The following PPP2R3A variants were observed in gnomAD, a reference collection of about 807,000 sequenced individuals.
The protein encoded by PPP2R3A is serine/threonine-protein phosphatase 2A regulatory subunit B'' subunit alpha.
In PPP2R3A, 80 loss-of-function variants were observed where a neutral mutation model predicts 106.9. The ratio of observed to expected loss-of-function variants is 0.75; its 90% CI spans 0.62 to 0.90. PPP2R3A has a LOEUF of 0.90. PPP2R3A is among the 40% of genes least tolerant of loss of function. PPP2R3A has a pLI of 0.00. For synonymous variants in PPP2R3A, 483 were observed against 468.3 expected, an observed-to-expected ratio of 1.03 and a Z score of -0.41; for missense variants, 1,386 against 1,350.4, an observed-to-expected ratio of 1.03 and a Z score of -0.41.
chr3:136,041,627 G>A (rs1356233061), intron 4 of PPP2R3A, among the ~76,000 whole-genome samples: 1 of 151,788 alleles, frequency 6.6e-6, no homozygotes, highest in Non-Finnish European at 1.5e-5. Flanking sequence ...CCCTTTATGG[G>A]GGGCAAATCA....
At chr3:136,064,280 G>A (rs1233954077) in intron 5 of PPP2R3A, among the ~76,000 whole-genome samples, 1 of 114,098 alleles carries the variant, frequency 8.8e-6, no homozygotes, top group Non-Finnish European at 1.7e-5. Context: ...GGTGGGGGGA[G>A]GGGGGAGGGA....
intron 4 of PPP2R3A, among the ~76,000 whole-genome samples, chr3:136,046,348 G>A (rs9875328): frequency 0.25 from 38,696 of 151,888 alleles, 5,408 homozygotes; most frequent in Non-Finnish European, 0.32. Context: ...CAGCTACTCC[G>A]GAGGCTGAAG....
intron 4 of PPP2R3A, among the ~76,000 whole-genome samples, chr3:136,047,729 G>A (rs543859676): frequency 2.0e-5 from 3 of 152,046 alleles, no homozygotes; most frequent in East Asian, 3.9e-4. Context: ...GTGAAACCCC[G>A]TCTCTACTAA....
Position 136,145,367 on chromosome 3 carries a change from T to TA in PPP2R3A, c.*202dup, listed in dbSNP as rs1475152491. On this transcript the variant is annotated 3_prime_UTR_variant, in exon 14 of 14. Coordinates refer to ENST00000264977, the MANE Select transcript of PPP2R3A (RefSeq NM_002718.5). ...CTCCTCCAATTTGCCTCAAACCTCT[T>TA]ACGGAGCTTCTCCTCAGAAGTGGTA... is the stretch of plus-strand genomic sequence containing the variant. 2.0e-6 allele frequency: 1 copy of TA among 489,384 alleles called. No homozygotes were observed. The highest frequency in any genetic ancestry group is 3.4e-6 in the Non-Finnish European group (1 of 297,840). 30.3% of individuals were successfully genotyped at this position (489,384 alleles called of 1,614,324 possible).
chr3:136,127,269 A>G (rs2108010352), intron 13 of PPP2R3A, among the ~76,000 whole-genome samples: 1 of 152,306 alleles, frequency 6.6e-6, no homozygotes, highest in African/African-American at 2.4e-5. Flanking sequence ...AAAACCATGG[A>G]AAAAGATCAG....
At chr3:136,115,171 G>A (rs1937695922) in intron 13 of PPP2R3A, among the ~76,000 whole-genome samples, 1 of 152,150 alleles carries the variant, frequency 6.6e-6, no homozygotes, top group Non-Finnish European at 1.5e-5. Context: ...TGCAGCAGAG[G>A]GGCCTGACTG....
intron 2 of PPP2R3A, among the ~76,000 whole-genome samples, chr3:136,008,634 TATG>T (rs1933931833): frequency 6.6e-6 from 1 of 152,210 alleles, no homozygotes; most frequent in South Asian, 2.1e-4. Flanking sequence ...GATGTACCAT[TATG>T]ATCCCTTTTT....
intron 10 of PPP2R3A, among the ~76,000 whole-genome samples, chr3:136,096,133 G>C (rs1459382040): frequency 6.6e-6 from 1 of 152,034 alleles, no homozygotes; most frequent in Non-Finnish European, 1.5e-5. Context: ...TGATTGTATT[G>C]GTACTTAAAG....
At chr3:135,966,149 C>T (rs916597287) in intron 1 of PPP2R3A, among the ~76,000 whole-genome samples, 2 of 152,182 alleles carry the variant, frequency 1.3e-5, no homozygotes, top group South Asian at 2.1e-4. Flanking sequence ...GGAGGGTAGG[C>T]GGGGGCGGCC....
intron 1 of PPP2R3A, among the ~76,000 whole-genome samples, chr3:135,993,280 A>G (rs1479080017): frequency 1.3e-5 from 2 of 152,210 alleles, no homozygotes; most frequent in East Asian, 1.9e-4. Flanking sequence ...AAGAAGATAT[A>G]TATGAATTTT....
Position 136,001,398 on chromosome 3 carries a change from AT to A in PPP2R3A, c.-99del. On this transcript the variant is annotated 5_prime_UTR_variant, in exon 2 of 14. It adds an upstream start codon to the 5' untranslated region. Coordinates refer to ENST00000264977, the MANE Select transcript of PPP2R3A (RefSeq NM_002718.5). ...TTATATTTGGAAGAAACCACTGAAC[AT>A]TGTTATTAAATATATTTTCAGCTAA... 9.8e-7 allele frequency: 1 copy of A among 1,015,252 alleles called. No individual in the cohort carries two copies. Among genetic ancestry groups the A allele is most frequent in the Non-Finnish European group, 1.5e-6 (1 of 682,072 alleles). The allele number at this position is 1,015,252 out of a possible 1,614,324, so 62.9% of individuals were successfully genotyped here. A position where few individuals can be genotyped will look rare whatever the true frequency, so the allele number is the denominator to read the frequency against.
intron 4 of PPP2R3A, among the ~76,000 whole-genome samples, chr3:136,046,383 G>C (rs539891772): frequency 1.3e-5 from 2 of 152,004 alleles, no homozygotes; most frequent in Non-Finnish European, 1.5e-5. Context: ...GAACCTGGGA[G>C]GCAGAGGTTG....
intron 1 of PPP2R3A, among the ~76,000 whole-genome samples, chr3:135,991,861 G>A (rs976866662): frequency 6.6e-6 from 1 of 152,000 alleles, no homozygotes; most frequent in African/African-American, 2.4e-5. Flanking sequence ...GTTTTTAAGC[G>A]CTTCCTAATT....
intron 2 of PPP2R3A, among the ~76,000 whole-genome samples, 180 bp from the exon 3 acceptor site, chr3:136,026,652 A>T (rs1576443865): frequency 6.6e-6 from 1 of 152,132 alleles, no homozygotes; most frequent in South Asian, 2.1e-4. Context: ...GATAATTAAT[A>T]AATTAATTAA....
intron 1 of PPP2R3A, among the ~76,000 whole-genome samples, chr3:135,977,758 G>A (rs1937458395): frequency 7.5e-6 from 1 of 132,914 alleles, no homozygotes; most frequent in African/African-American, 2.8e-5. Context: ...GGAGTACAGT[G>A]GTGCAATCTC....
intron 13 of PPP2R3A, among the ~76,000 whole-genome samples, chr3:136,128,585 C>T (rs1229925361): frequency 6.6e-6 from 1 of 152,174 alleles, no homozygotes; most frequent in African/African-American, 2.4e-5. Context: ...CTTTAACACC[C>T]CACTGTCAAT....
At chr3:136,062,688 A>T (rs572044036) in intron 5 of PPP2R3A, among the ~76,000 whole-genome samples, 13 of 149,854 alleles carry the variant, frequency 8.7e-5, no homozygotes, top group Admixed American at 2.0e-4. Context: ...ACTGCACTCC[A>T]GCCTGGGTGA....
Position 136,002,479 on chromosome 3 carries a change from C to T in PPP2R3A, c.981C>T (p.Gly327=). The T allele has an allele frequency of 6.2e-7, 1 of 1,614,106 alleles. No individual in the cohort carries two copies. The highest frequency in any genetic ancestry group is 8.5e-7 in the Non-Finnish European group (1 of 1,179,972). The part of the protein sequence containing the change: ...LQLTPFSPVF[G]TEQPPKYEDV... ...TGACTCCCTTCTCCCCAGTGTTTGG[C>T]ACTGAACAACCCCCTAAATATGAAG... The change falls in exon 2 of 14, where the codon GGC becomes GGT. Residue 327 remains glycine (G), a synonymous_variant. Coordinates refer to ENST00000264977, the MANE Select transcript of PPP2R3A (RefSeq NM_002718.5).
Position 136,102,008 on chromosome 3 carries a change from A to G in PPP2R3A, c.2929A>G (p.Ile977Val), listed in dbSNP as rs1057387866. ...SEEDKRNPTS[I>V]EYWFRCMDVD... ...ATAATGATTGTCCTTATCATCTAGC[A>G]TTGAGTATTGGTTCCGCTGCATGGA... Residue 977 changes from isoleucine (I) to valine (V), a missense_variant and splice_region_variant, in exon 11 of 14, where the codon ATT becomes GTT. Transcript: ENST00000264977. The G allele has an allele frequency of 1.9e-5, 31 of 1,613,116 alleles. No homozygotes were observed. Among genetic ancestry groups the G allele is most frequent in the Non-Finnish European group, 2.5e-5 (30 of 1,179,350 alleles).
Sources: allele counts gnomAD v4.1 joint callset (sites outside exome capture counted in the v4.1 genomes callset), GRCh38; gene constraint gnomAD v4.1.1; transcripts MANE v1.5; gene names NCBI Gene and HGNC (gene_info 2026-07-23, HGNC 2026-07-21).